EPHA5: variants seen among roughly 807,000 people sequenced by gnomAD.
The protein encoded by EPHA5 is ephrin type-A receptor 5.
EPHA5 carries 60 observed loss-of-function variants against 105.0 expected under a neutral mutation model. The observed-to-expected ratio is 0.57, with a 90% CI of 0.46 to 0.71. The LOEUF is 0.71. Among genes scored for constraint, EPHA5 ranks in the 30% least tolerant of loss-of-function variants. The pLI, the probability that EPHA5 is intolerant of heterozygous loss-of-function variation, is 0.00. For synonymous variants in EPHA5, 513 were observed against 449.1 expected, an observed-to-expected ratio of 1.14 and a Z score of -1.80; for missense variants, 1,218 against 1,274.7, an observed-to-expected ratio of 0.96 and a Z score of 0.68.
intron 8 of EPHA5, among the ~76,000 whole-genome samples, chr4:65,371,097 C>T (rs1470872233): frequency 1.3e-5 from 2 of 151,730 alleles, no homozygotes; most frequent in African/African-American, 4.8e-5. Context: ...TCTTTTTTTT[C>T]TGAATGGAAA....
At chr4:65,414,095 C>G (rs529571789) in intron 7 of EPHA5, among the ~76,000 whole-genome samples, 189 bp downstream of exon 7, 1 of 152,152 alleles carries the variant, frequency 6.6e-6, no homozygotes, top group African/African-American at 2.4e-5. Context: ...ATGAGGAGCA[C>G]GGACCAACGT....
intron 3 of EPHA5, among the ~76,000 whole-genome samples, chr4:65,536,066 T>C (rs557831703): frequency 6.6e-6 from 1 of 152,126 alleles, no homozygotes; most frequent in African/African-American, 2.4e-5. Flanking sequence ...AATAAAATAT[T>C]ACCTTCATGT....
chr4:65,361,729 G>T (rs760882997), intron 11 of EPHA5, among the ~76,000 whole-genome samples: 26 of 151,652 alleles, frequency 1.7e-4, no homozygotes, highest in Non-Finnish European at 2.8e-4. Context: ...GAAATAAAGA[G>T]AAAGACAGAG....
rs1167342911 is a variant in EPHA5 at position 65,612,016 on chromosome 4, C to CAAAA, written c.247-9716_247-9713dup. On this transcript the variant is annotated intron_variant, in intron 2 of 16. Coordinates refer to ENST00000613740, the MANE Select transcript of EPHA5 (RefSeq NM_001281766.3). Reference sequence around the variant, plus strand: ...TGGGCGATAGAGCGAGACCCTCTCTCAAAAAAAAAAAAAAAAAAAAAAAGG... The same window carrying CAAAA: ...TGGGCGATAGAGCGAGACCCTCTCTCAAAAAAAAAAAAAAAAAAAAAAAAAAAGG... 3.5e-3 allele frequency among the ~76,000 whole-genome samples: 201 copies of CAAAA among 58,038 alleles called. 14 individuals carry two copies. Among genetic ancestry groups the CAAAA allele is most frequent in the African/African-American group, 0.012 (172 of 14,140 alleles). 38.1% of individuals were successfully genotyped at this position (58,038 alleles called of 152,430 possible). A position where few individuals can be genotyped will look rare whatever the true frequency, so the allele number is the denominator to read the frequency against.
intron 2 of EPHA5, among the ~76,000 whole-genome samples, chr4:65,608,062 C>G (rs1744408064): frequency 6.6e-6 from 1 of 152,036 alleles, no homozygotes; most frequent in Non-Finnish European, 1.5e-5. Flanking sequence ...GAGTGGGCGG[C>G]TAGGGGAGGG....
intron 3 of EPHA5, among the ~76,000 whole-genome samples, chr4:65,548,628 A>C (rs1371580914): frequency 6.6e-6 from 1 of 152,144 alleles, no homozygotes; most frequent in Admixed American, 6.6e-5. Flanking sequence ...AAAATGTTCC[A>C]TGTTTCTGCA....
chr4:65,493,011 A>G (rs1372656682), intron 4 of EPHA5, among the ~76,000 whole-genome samples: 2 of 150,054 alleles, frequency 1.3e-5, no homozygotes, highest in Admixed American at 6.7e-5. Flanking sequence ...ATTTCTGCCA[A>G]CTGAAAAATC....
At chr4:65,432,600 C>T (rs939524226) in intron 5 of EPHA5, among the ~76,000 whole-genome samples, 4 of 151,930 alleles carry the variant, frequency 2.6e-5, no homozygotes, top group African/African-American at 9.7e-5. Flanking sequence ...TGGAGTCTTA[C>T]TCTGTCACCC....
chr4:65,397,779 T>C (rs1342130658), intron 8 of EPHA5, among the ~76,000 whole-genome samples: 2 of 152,114 alleles, frequency 1.3e-5, no homozygotes, highest in Non-Finnish European at 2.9e-5. Flanking sequence ...GACCCTTAGA[T>C]AGGCCTCTGA....
chr4:65,328,618 A>G (rs1248174868), intron 16 of EPHA5, among the ~76,000 whole-genome samples: 1 of 146,986 alleles, frequency 6.8e-6, no homozygotes, highest in Non-Finnish European at 1.5e-5. Context: ...TGCTTTTGTC[A>G]GAGTTTTATC....
intron 2 of EPHA5, among the ~76,000 whole-genome samples, chr4:65,613,836 AT>A (rs1744988369): frequency 6.6e-6 from 1 of 152,132 alleles, no homozygotes; most frequent in South Asian, 2.1e-4. Flanking sequence ...TTTTTTGATC[AT>A]TAATTGAATG....
At chr4:65,408,026 T>C (rs1722534184) in intron 7 of EPHA5, among the ~76,000 whole-genome samples, 2 of 152,102 alleles carry the variant, frequency 1.3e-5, no homozygotes. Flanking sequence ...TAACCTCAGG[T>C]TTTAATTACT....
intron 3 of EPHA5, among the ~76,000 whole-genome samples, chr4:65,569,900 GA>G (rs1230077383): frequency 1.3e-5 from 2 of 151,552 alleles, no homozygotes; most frequent in African/African-American, 4.8e-5. Context: ...TCAAATATTT[GA>G]CAAAAGTTTG....
intron 12 of EPHA5, among the ~76,000 whole-genome samples, chr4:65,352,152 T>C: frequency 6.6e-6 from 1 of 152,038 alleles, no homozygotes; most frequent in East Asian, 1.9e-4. Flanking sequence ...GGATGGCTAT[T>C]TTAAAATAAA....
intron 3 of EPHA5, among the ~76,000 whole-genome samples, chr4:65,595,834 C>T (rs112311170): frequency 1.3e-5 from 2 of 152,112 alleles, no homozygotes; most frequent in Non-Finnish European, 1.5e-5. Context: ...CCTGCCTTGG[C>T]CTCCCAAAGT....
intron 13 of EPHA5, among the ~76,000 whole-genome samples, chr4:65,348,723 A>G (rs1394610537): frequency 1.6e-5 from 2 of 122,986 alleles, no homozygotes; most frequent in Non-Finnish European, 3.4e-5. Flanking sequence ...GTGTATATAT[A>G]TGTGTGTGTA....
chr4:65,448,704 T>C (rs944012823), intron 5 of EPHA5, among the ~76,000 whole-genome samples: 1 of 152,052 alleles, frequency 6.6e-6, no homozygotes, highest in Admixed American at 6.6e-5. Context: ...TACAGTTATT[T>C]TGAATAAACA....
intron 3 of EPHA5, among the ~76,000 whole-genome samples, chr4:65,524,620 A>G (rs953868216): frequency 1.4e-4 from 21 of 151,816 alleles, no homozygotes; most frequent in African/African-American, 5.1e-4. Context: ...AGAGAAAGGA[A>G]GTATTATTAA....
intron 5 of EPHA5, among the ~76,000 whole-genome samples, chr4:65,467,629 G>C (rs985412115): frequency 6.6e-6 from 1 of 152,168 alleles, no homozygotes; most frequent in African/African-American, 2.4e-5. Context: ...ATGCCTAAGA[G>C]AGTCTAGATC....
Sources: gnomAD v4.1 joint callset for allele counts (sites outside exome capture counted in the v4.1 genomes callset) on GRCh38, gnomAD v4.1.1 for gene constraint, MANE v1.5 for transcripts, NCBI Gene and HGNC (gene_info 2026-07-23, HGNC 2026-07-21) for gene names.